Variants in CACNA2D2 observed in about 807,000 individuals in gnomAD.
CACNA2D2 encodes voltage-dependent calcium channel subunit alpha-2/delta-2.
In CACNA2D2, 48 loss-of-function variants were observed where a neutral mutation model predicts 166.4. That is an observed-to-expected ratio of 0.29 (90% CI 0.23 to 0.37). CACNA2D2 has a LOEUF of 0.37. Among genes scored for constraint, CACNA2D2 ranks in the 10% least tolerant of loss-of-function variants. The pLI is 1.00. For missense variants in CACNA2D2, 1,122 were observed against 1,433.0 expected (o/e 0.78, Z 3.50); for synonymous variants, 561 against 573.7 (o/e 0.98, Z 0.32).
At position 50,367,513 on chromosome 3, in the gene CACNA2D2, G is replaced by A; in HGVS notation, c.2298-16C>T. 1 of 1,612,978 alleles carries A rather than the reference G, an allele frequency of 6.2e-7. No homozygotes were observed. Among genetic ancestry groups the A allele is most frequent in the Non-Finnish European group, 8.5e-7 (1 of 1,179,218 alleles). On this transcript the variant is annotated splice_polypyrimidine_tract_variant and intron_variant, in intron 26 of 37. Transcript: ENST00000424201. This position sits in a 1 kb window ranked among gnomAD's most constrained non-coding sequence, Gnocchi z 6.5. The stretch of plus-strand genomic sequence containing the variant: ...CTCAGCTGCCCTGGAGCACCCAAGA[G>A]GCAGACTGGTAGGTAAGGGGTGGCT...
intron 3 of CACNA2D2, among the ~76,000 whole-genome samples, chr3:50,415,386 G>T (rs1487443460): frequency 2.0e-5 from 3 of 152,230 alleles, no homozygotes; most frequent in Non-Finnish European, 4.4e-5. Context: ...GAGTCCTGGA[G>T]ACTTGAGTTC....
At chr3:50,464,988 C>T (rs1364427943) in intron 2 of CACNA2D2, among the ~76,000 whole-genome samples, 1 of 152,224 alleles carries the variant, frequency 6.6e-6, no homozygotes, top group African/African-American at 2.4e-5. Flanking sequence ...GACAGAGATG[C>T]ACATGGGAGG....
rs587725244 is a variant in CACNA2D2 at position 50,380,877 on chromosome 3, G to A, written c.785-72C>T. On this transcript the variant is annotated intron_variant, in intron 7 of 37. Transcript: ENST00000424201. The surrounding 1 kb of genome is among the most constrained non-coding windows in gnomAD (Gnocchi z 4.9). ...CTGGGTAGGCAGACCTTGCAGAGGC[G>A]ACTGGGCTGCCACAGACTACAGAGA... 2.9e-5 allele frequency: 45 copies of A among 1,529,550 alleles called. No homozygotes were observed. The highest frequency in any genetic ancestry group is 1.8e-4 in the Middle Eastern group (1 of 5,632). The allele number at this position is 1,529,550 out of a possible 1,614,324, so 94.7% of individuals were successfully genotyped here.
chr3:50,375,039 C>G lies in CACNA2D2; in HGVS notation c.1908-226G>C, dbSNP rs1396036126. 6.6e-6 allele frequency among the ~76,000 whole-genome samples: 1 copy of G among 152,154 alleles called. No homozygotes were observed. Among genetic ancestry groups the G allele is most frequent in the African/African-American group, 2.4e-5 (1 of 41,426 alleles). On this transcript the variant is annotated intron_variant, in intron 21 of 37. Coordinates refer to ENST00000424201, the MANE Select transcript of CACNA2D2 (RefSeq NM_006030.4). This position sits in a 1 kb window ranked among gnomAD's most constrained non-coding sequence, Gnocchi z 4.0. ...CCTGGGGGCCACCGGGCAACCAGCC[C>G]CAAAGCAAATCCCCACACCATCTCC...
chr3:50,472,547 G>A (rs1710142160), intron 2 of CACNA2D2, among the ~76,000 whole-genome samples: 1 of 152,166 alleles, frequency 6.6e-6, no homozygotes, highest in Admixed American at 6.5e-5. Context: ...TCTCTCCGAG[G>A]TCAGGAATGC....
At chr3:50,399,714 G>T (rs948038191) in intron 3 of CACNA2D2, among the ~76,000 whole-genome samples, 5 of 152,154 alleles carry the variant, frequency 3.3e-5, no homozygotes, top group African/African-American at 1.2e-4. Flanking sequence ...GTAGGAAGAG[G>T]GGGCATCAAA....
At chr3:50,398,246 G>A (rs886870789) in intron 3 of CACNA2D2, among the ~76,000 whole-genome samples, 2 of 151,990 alleles carry the variant, frequency 1.3e-5, no homozygotes, top group Non-Finnish European at 2.9e-5. Flanking sequence ...TTCCTTGCTT[G>A]GGCTCTGGGC....
chr3:50,377,463 T>G lies in CACNA2D2; in HGVS notation c.1626+4A>C. On this transcript the variant is annotated splice_donor_region_variant and intron_variant, in intron 17 of 37. Transcript: ENST00000424201. ...GGTACGCGGATGGGCAGGGGGATGC[T>G]CACCGTGTAGTTGGGGGTCAGCCTC... 6.2e-7 allele frequency: 1 copy of G among 1,611,630 alleles called. No individual in the cohort carries two copies. The highest frequency in any genetic ancestry group is 1.3e-5 in the African/African-American group (1 of 75,012).
chr3:50,415,202 G>T (rs567663460), intron 3 of CACNA2D2, among the ~76,000 whole-genome samples: 1 of 152,224 alleles, frequency 6.6e-6, no homozygotes, highest in Non-Finnish European at 1.5e-5. Context: ...CACAGGCTCC[G>T]ATGTGAGGGA....
At chr3:50,469,848 A>G (rs1003016362) in intron 2 of CACNA2D2, among the ~76,000 whole-genome samples, 1 of 152,228 alleles carries the variant, frequency 6.6e-6, no homozygotes, top group Non-Finnish European at 1.5e-5. Context: ...TCCTACCTTC[A>G]GAAGGCACAG....
At chr3:50,490,351 CT>C (rs1391813753) in intron 1 of CACNA2D2, among the ~76,000 whole-genome samples, 1 of 152,184 alleles carries the variant, frequency 6.6e-6, no homozygotes, top group African/African-American at 2.4e-5. Context: ...CTGTGTTTAT[CT>C]TCCTATCCCC....
chr3:50,484,174 C>T (rs1698176817), intron 1 of CACNA2D2, among the ~76,000 whole-genome samples: 1 of 152,204 alleles, frequency 6.6e-6, no homozygotes, highest in Admixed American at 6.5e-5. Context: ...TGACCTAGAA[C>T]CCGCTTTCTC....
Position 50,364,974 on chromosome 3 carries a change from G to C in CACNA2D2, c.3209-4C>G, listed in dbSNP as rs1060504834. On this transcript the variant is annotated splice_polypyrimidine_tract_variant and splice_region_variant and intron_variant, in intron 36 of 37. Transcript: ENST00000424201. ...TCACACTGCTCCGGGCCGTCCGCTG[G>C]GCATGGGTGGGGAGTCAAGGAGGCG... 2.5e-6 allele frequency: 4 copies of C among 1,612,624 alleles called. No individual in the cohort carries two copies. The highest frequency in any genetic ancestry group is 3.4e-6 in the Non-Finnish European group (4 of 1,179,726).
At chr3:50,434,213 G>A (rs1708202589) in intron 3 of CACNA2D2, 100 bp downstream of exon 3, 3 of 797,676 alleles carry the variant, frequency 3.8e-6, no homozygotes, top group South Asian at 1.6e-5. Context: ...ACTCAGGAGG[G>A]CCACGTGATG....
intron 3 of CACNA2D2, among the ~76,000 whole-genome samples, chr3:50,418,565 T>C (rs1042639519): frequency 1.3e-5 from 2 of 152,114 alleles, no homozygotes; most frequent in Non-Finnish European, 2.9e-5. Flanking sequence ...GTCCTCAGGG[T>C]CTGTGAAGCA....
rs778975579 is a variant in CACNA2D2, at chr3:50,380,725, C to T, written c.842+23G>A. On this transcript the variant is annotated intron_variant, in intron 8 of 37. Transcript: ENST00000424201. The surrounding 1 kb of genome is among the most constrained non-coding windows in gnomAD (Gnocchi z 4.9). Reference sequence around the variant, plus strand: ...TGGGGAACTGAGGGGGTGTCCCTCCCCAGCCCCTTCTTGCTCGCTCACCAG... The same window carrying T: ...TGGGGAACTGAGGGGGTGTCCCTCCTCAGCCCCTTCTTGCTCGCTCACCAG... The T allele has an allele frequency of 6.0e-6, 9 of 1,500,682 alleles. No homozygotes were observed. Among genetic ancestry groups the T allele is most frequent in the Non-Finnish European group, 8.0e-6 (9 of 1,123,540 alleles). The allele number at this position is 1,500,682 out of a possible 1,614,324, so 93.0% of individuals were successfully genotyped here.
At chr3:50,372,361 G>A (rs893584162) in intron 22 of CACNA2D2, among the ~76,000 whole-genome samples, 1 of 152,140 alleles carries the variant, frequency 6.6e-6, no homozygotes, top group Non-Finnish European at 1.5e-5. Context: ...TTTCCATACT[G>A]CCAAGCCACC....
intron 2 of CACNA2D2, among the ~76,000 whole-genome samples, chr3:50,435,247 T>C (rs997573331): frequency 5.9e-5 from 9 of 151,624 alleles, no homozygotes; most frequent in Non-Finnish European, 1.0e-4. Context: ...TTGTGAGTCT[T>C]AGGAGCAGAT....
At chr3:50,456,979 G>A (rs1442371223) in intron 2 of CACNA2D2, among the ~76,000 whole-genome samples, 2 of 152,220 alleles carry the variant, frequency 1.3e-5, no homozygotes, top group African/African-American at 4.8e-5. Flanking sequence ...GCCAGGTGTG[G>A]AGGCTCATGC....
Sources: gnomAD v4.1 joint callset for allele counts (sites outside exome capture counted in the v4.1 genomes callset) on GRCh38, gnomAD v4.1.1 for gene constraint, Gnocchi (gnomAD v3.1) non-coding constraint, MANE v1.5 for transcripts, NCBI Gene and HGNC (gene_info 2026-07-23, HGNC 2026-07-21) for gene names.